STXBP6: variants seen among roughly 807,000 people sequenced by gnomAD.
STXBP6 encodes the protein syntaxin binding protein 6.
STXBP6 carries 21 observed loss-of-function variants against 26.9 expected under a neutral mutation model. The ratio of observed to expected loss-of-function variants is 0.78; its 90% CI spans 0.55 to 1.12. The LOEUF is 1.12. STXBP6 is among the 50% of genes most tolerant of loss of function. The probability of loss-of-function intolerance (pLI) is 0.00; values close to 1 mark genes in which losing one functional copy is unlikely to be tolerated. For missense variants in STXBP6, 232 were observed against 257.9 expected (o/e 0.90, Z 0.69); for synonymous variants, 97 against 92.6 (o/e 1.05, Z -0.27).
chr14:24,967,308 G>C (rs952659673), intron 2 of STXBP6, among the ~76,000 whole-genome samples: 2 of 152,216 alleles, frequency 1.3e-5, no homozygotes, highest in Non-Finnish European at 2.9e-5. Context: ...TGATCCCAAA[G>C]CAGGCTGATG....
chr14:24,995,323 CG>C lies in STXBP6; in HGVS notation c.-32-20474del, dbSNP rs2074575323. On this transcript the variant is annotated intron_variant, in intron 1 of 5. Transcript: ENST00000323944. ...CCACTTTCTGCAACCATCATATTAG[CG>C]ATTAGATTCAGCATACGAATTTTGG... Among the ~76,000 whole-genome samples, 5 of 152,218 alleles carry C rather than the reference CG, an allele frequency of 3.3e-5. No individual in the cohort carries two copies. The South Asian group carries it at 1.0e-3, about 32-fold the overall frequency.
intron 1 of STXBP6, among the ~76,000 whole-genome samples, chr14:25,017,477 A>G (rs545389990): frequency 6.6e-6 from 1 of 152,358 alleles, no homozygotes; most frequent in East Asian, 1.9e-4. Flanking sequence ...AGTATAAGTC[A>G]CTAGAAGGCT....
rs1280018309 is a variant in STXBP6 at position 24,856,061 on chromosome 14, T to G, written c.326A>C (p.Asp109Ala). The change falls in exon 4 of 6, where the codon GAC (aspartate) becomes GCC (alanine). Residue 109 changes from aspartate to alanine, a missense_variant. By Grantham distance (126) the Asp-to-Ala change is moderately radical (BLOSUM62 -2). Transcript: ENST00000323944. ...EFDLLFENAF[D>A]QWVASTASEK... ...TGACGCTGTGCTGGCTACCCACTGG[T>G]CAAAAGCATTTTCAAACAACAAATC... 1 of 1,606,900 alleles carries G rather than the reference T, an allele frequency of 6.2e-7. No homozygotes were observed. Among genetic ancestry groups the G allele is most frequent in the Non-Finnish European group, 8.5e-7 (1 of 1,177,112 alleles).
chr14:24,923,554 A>C (rs753450978), intron 2 of STXBP6, among the ~76,000 whole-genome samples: 11 of 152,186 alleles, frequency 7.2e-5, no homozygotes, highest in African/African-American at 2.4e-4. Context: ...TGGTTATATC[A>C]ATTTACAATG....
chr14:24,966,788 C>T (rs1472302854), intron 2 of STXBP6, among the ~76,000 whole-genome samples: 1 of 152,084 alleles, frequency 6.6e-6, no homozygotes, highest in African/African-American at 2.4e-5. Flanking sequence ...TCCAAATTTC[C>T]CCAGGGAGTT....
At chr14:24,822,813 C>T (rs1339902517) in intron 4 of STXBP6, among the ~76,000 whole-genome samples, 1 of 152,182 alleles carries the variant, frequency 6.6e-6, no homozygotes. Context: ...ATACTCCTTA[C>T]ATACCTTTGT....
chr14:24,861,282 G>C (rs2069530303), intron 2 of STXBP6, among the ~76,000 whole-genome samples: 1 of 152,094 alleles, frequency 6.6e-6, no homozygotes, highest in Non-Finnish European at 1.5e-5. Flanking sequence ...CAAGAGTGCT[G>C]ATGAAAAATA....
At chr14:24,931,134 A>AAAAAAAACAAAAAC (rs1555328796) in intron 2 of STXBP6, among the ~76,000 whole-genome samples, 43 of 117,970 alleles carry the variant, frequency 3.6e-4, no homozygotes, top group Admixed American at 6.4e-4. Flanking sequence ...AAAAAAAAAA[A>AAAAAAAACAAAAAC]AAAAAAAACC....
chr14:24,848,664 G>A (rs557650392), intron 4 of STXBP6, among the ~76,000 whole-genome samples: 10 of 152,130 alleles, frequency 6.6e-5, no homozygotes, highest in Admixed American at 3.3e-4. Context: ...GCATTTCAGC[G>A]TAGCTTACAG....
At chr14:24,898,375 G>C (rs2071076755) in intron 2 of STXBP6, among the ~76,000 whole-genome samples, 2 of 152,106 alleles carry the variant, frequency 1.3e-5, no homozygotes, top group Admixed American at 1.3e-4. Flanking sequence ...TTTTTTAACA[G>C]AGTATTGAAA....
At chr14:24,952,736 C>A (rs2332460) in intron 2 of STXBP6, among the ~76,000 whole-genome samples, 110,882 of 152,008 alleles carry the variant, frequency 0.73, 40,907 homozygotes, top group African/African-American at 0.83. Flanking sequence ...TTATCTCACT[C>A]AGCATTAGGG....
chr14:24,894,308 T>C (rs1224615629), intron 2 of STXBP6, among the ~76,000 whole-genome samples: 2 of 152,146 alleles, frequency 1.3e-5, no homozygotes, highest in South Asian at 4.1e-4. Context: ...GGTGAAAGAA[T>C]TGGAAGTCCA....
Position 24,857,064 on chromosome 14 carries a change from T to G in STXBP6, c.248A>C (p.Glu83Ala). The G allele has an allele frequency of 1.2e-6, 2 of 1,613,020 alleles. No individual in the cohort carries two copies. The highest frequency in any genetic ancestry group is 1.7e-6 in the Non-Finnish European group (2 of 1,179,244). The change falls in exon 3 of 6, where the codon GAG becomes GCG. Residue 83 changes from glutamate to alanine, a missense_variant. Physicochemically the swap from Glu to Ala is moderately radical, Grantham distance 107. Coordinates refer to ENST00000323944, the MANE Select transcript of STXBP6 (RefSeq NM_001394410.1). ...GATACCATTAACCTGGCGAAGCTGCTCGAGCATCCACTGTGATCTCCGAAC... is the reference window on the plus strand; with the variant it reads ...GATACCATTAACCTGGCGAAGCTGCGCGAGCATCCACTGTGATCTCCGAAC... ...SFVRRSQWML[E>A]QLRQVNGIDP...
At chr14:24,864,405 A>C (rs1252115846) in intron 2 of STXBP6, among the ~76,000 whole-genome samples, 5 of 152,172 alleles carry the variant, frequency 3.3e-5, no homozygotes, top group Non-Finnish European at 7.4e-5. Flanking sequence ...GCGGCTAAAA[A>C]GCATTCTTAG....
At chr14:24,937,261 C>G (rs1173378781) in intron 2 of STXBP6, among the ~76,000 whole-genome samples, 1 of 152,174 alleles carries the variant, frequency 6.6e-6, no homozygotes, top group Non-Finnish European at 1.5e-5. Context: ...ACGTTCTGCA[C>G]ACGTACCCCA....
intron 2 of STXBP6, among the ~76,000 whole-genome samples, chr14:24,945,523 T>C (rs1253733336): frequency 6.6e-6 from 1 of 151,984 alleles, no homozygotes; most frequent in African/African-American, 2.4e-5. Context: ...TAAGCTATGA[T>C]CACGCCACTG....
At chr14:24,895,957 A>T (rs2070975993) in intron 2 of STXBP6, among the ~76,000 whole-genome samples, 1 of 152,258 alleles carries the variant, frequency 6.6e-6, no homozygotes. Context: ...CAGTAGTTAC[A>T]TTAATTATTG....
At chr14:24,994,195 G>A (rs971666754) in intron 1 of STXBP6, among the ~76,000 whole-genome samples, 2 of 152,150 alleles carry the variant, frequency 1.3e-5, no homozygotes, top group African/African-American at 2.4e-5. Context: ...CTCTAAAAAT[G>A]GGATTGTGGG....
intron 4 of STXBP6, among the ~76,000 whole-genome samples, chr14:24,829,272 T>C (rs1194205027): frequency 6.6e-6 from 1 of 152,246 alleles, no homozygotes; most frequent in East Asian, 1.9e-4. Context: ...TTTTTGCATA[T>C]GTCTTGTCTG....
Sources: gnomAD v4.1 joint callset for allele counts (sites outside exome capture counted in the v4.1 genomes callset) on GRCh38, gnomAD v4.1.1 for gene constraint, MANE v1.5 for transcripts, NCBI Gene and HGNC (gene_info 2026-07-23, HGNC 2026-07-21) for gene names.